CYP2J2: variants seen among roughly 807,000 people sequenced by gnomAD.
The protein encoded by CYP2J2 is cytochrome P450 family 2 subfamily J member 2.
CYP2J2 carries 41 observed loss-of-function variants against 48.8 expected under a neutral mutation model. The observed-to-expected ratio is 0.84, with a 90% CI of 0.66 to 1.09. The LOEUF is 1.09. Among genes scored for constraint, CYP2J2 ranks in the 50% least tolerant of loss-of-function variants. CYP2J2 has a pLI of 0.00. For missense variants in CYP2J2, 644 were observed against 617.3 expected, an observed-to-expected ratio of 1.04 and a Z score of -0.46; for synonymous variants, 221 against 227.1, an observed-to-expected ratio of 0.97 and a Z score of 0.24.
intron 1 of CYP2J2, among the ~76,000 whole-genome samples, chr1:59,925,422 T>C (rs1476259570): frequency 6.6e-6 from 1 of 152,228 alleles, no homozygotes; most frequent in African/African-American, 2.4e-5. Context: ...AGACTATATC[T>C]TGTGTCATTT....
intron 4 of CYP2J2, among the ~76,000 whole-genome samples, chr1:59,910,557 T>A (rs985049109): frequency 6.6e-6 from 1 of 152,178 alleles, no homozygotes; most frequent in Non-Finnish European, 1.5e-5. Context: ...AGGAAATTTT[T>A]AAAAATTTTG....
chr1:59,907,978 T>C (rs1405124860), intron 5 of CYP2J2, 51 bp from the exon 6 acceptor site: 1 of 1,583,096 alleles, frequency 6.3e-7, no homozygotes. Flanking sequence ...AGAGGATTCC[T>C]GATTGCCGTA....
rs371935381 is a variant in CYP2J2 at position 59,893,603 on chromosome 1, A to G, written c.*48T>C. On this transcript the variant is annotated 3_prime_UTR_variant, in exon 9 of 9. Coordinates refer to ENST00000371204, the MANE Select transcript of CYP2J2 (RefSeq NM_000775.4). ...GAGCAGACACCAGTGGTTTCAGAACACGTGCCATGTCTTCTTACTTTCCTT... is the reference window on the plus strand; with the variant it reads ...GAGCAGACACCAGTGGTTTCAGAACGCGTGCCATGTCTTCTTACTTTCCTT... 2.1e-6 allele frequency: 3 copies of G among 1,436,012 alleles called. No individual in the cohort carries two copies. Among genetic ancestry groups the G allele is most frequent in the South Asian group, 1.4e-5 (1 of 70,736 alleles). The allele number at this position is 1,436,012 out of a possible 1,614,324, so 89.0% of individuals were successfully genotyped here. A position where few individuals can be genotyped will look rare whatever the true frequency, so the allele number is the denominator to read the frequency against.
At chr1:59,934,635 G>A in the CYP2J2 span, among the ~76,000 whole-genome samples, 1 of 151,950 alleles carries the variant, frequency 6.6e-6, no homozygotes, top group Non-Finnish European at 1.5e-5. Flanking sequence ...TCAAGGAAAT[G>A]CAAATCACAC....
Position 59,911,772 on chromosome 1 carries a change from A to G in CYP2J2, c.524-4T>C, listed in dbSNP as rs369061266. On this transcript the variant is annotated splice_polypyrimidine_tract_variant and splice_region_variant and intron_variant, in intron 3 of 8. Transcript: ENST00000371204. ...AAATGAGGGTCAAAAGGCTGTCCTG[A>G]AGGTGGAGGAAGGGCAAGATGGATC... 2 of 1,610,630 alleles carry G rather than the reference A, an allele frequency of 1.2e-6. No homozygotes were observed. The highest frequency in any genetic ancestry group is 2.7e-5 in the African/African-American group (2 of 74,766).
intron 8 of CYP2J2, among the ~76,000 whole-genome samples, chr1:59,900,615 A>G (rs920161682): frequency 2.0e-5 from 3 of 152,190 alleles, no homozygotes; most frequent in African/African-American, 7.2e-5. Flanking sequence ...GCCTTGTGCA[A>G]TAAGAGTGAA....
intron 5 of CYP2J2, among the ~76,000 whole-genome samples, chr1:59,908,823 C>A (rs1644386368): frequency 6.6e-6 from 1 of 152,186 alleles, no homozygotes; most frequent in Non-Finnish European, 1.5e-5. Flanking sequence ...CATTTGGTTT[C>A]TTCCTCACCT....
At chr1:59,916,198 T>A in intron 1 of CYP2J2, 98 bp from the exon 2 acceptor site, 1 of 996,232 alleles carries the variant, frequency 1.0e-6, no homozygotes, top group Non-Finnish European at 1.5e-6. Flanking sequence ...TTGAGAGGAG[T>A]GCGTGTGTCT....
upstream of CYP2J2, among the ~76,000 whole-genome samples, chr1:59,929,694 A>G (rs1372457182): frequency 1.3e-5 from 2 of 152,204 alleles, no homozygotes; most frequent in Non-Finnish European, 2.9e-5. Context: ...GAACTGTAAG[A>G]TAGCTTGATA....
Position 59,926,617 on chromosome 1 carries a change from G to A in CYP2J2, c.130C>T (p.Pro44Ser). ...AAGGGCAGGCGCCAGGGCCCCGGCG[G>A]GTAGTTCTTTGGGCGCCGTCTTTTG... ...FLKRRRPKNYPPGPWRLPFLG... is the reference protein window; with the variant it reads ...FLKRRRPKNYSPGPWRLPFLG... Residue 44 changes from proline (P) to serine (S), a missense_variant, in exon 1 of 9, where the codon CCG (proline) becomes TCG (serine). By Grantham distance (74) the Pro-to-Ser change is moderately conservative. Coordinates refer to ENST00000371204, the MANE Select transcript of CYP2J2 (RefSeq NM_000775.4). The A allele has an allele frequency of 6.2e-7, 1 of 1,614,250 alleles. No homozygotes were observed.
At chr1:59,953,515 T>C in the CYP2J2 span, among the ~76,000 whole-genome samples, 15 of 117,748 alleles carry the variant, frequency 1.3e-4, no homozygotes, top group South Asian at 1.5e-3. Context: ...TATGTGTGTG[T>C]GTGTGTGTGT....
the CYP2J2 span, among the ~76,000 whole-genome samples, chr1:59,960,727 C>A: frequency 6.6e-6 from 1 of 152,140 alleles, no homozygotes; most frequent in African/African-American, 2.4e-5. Flanking sequence ...CCTGTAATCC[C>A]AGCTACTCAG....
the CYP2J2 span, among the ~76,000 whole-genome samples, chr1:59,961,610 T>C: frequency 6.6e-6 from 1 of 152,054 alleles, no homozygotes; most frequent in African/African-American, 2.4e-5. Context: ...AACCCAGAAA[T>C]TCCACAGCTA....
chr1:59,935,025 T>TATATATATATATATATATATATACAC, the CYP2J2 span, among the ~76,000 whole-genome samples: 1 of 85,840 alleles, frequency 1.2e-5, no homozygotes, highest in East Asian at 3.9e-4. Flanking sequence ...CATATATATA[T>TATATATATATATATATATATATACAC]ATATATATAT....
intron 8 of CYP2J2, among the ~76,000 whole-genome samples, chr1:59,895,716 T>C (rs971151986): frequency 6.6e-6 from 1 of 152,178 alleles, no homozygotes; most frequent in East Asian, 1.9e-4. Context: ...TAGTTACATA[T>C]GTATACATGT....
At chr1:59,950,190 T>C in the CYP2J2 span, among the ~76,000 whole-genome samples, 1 of 152,296 alleles carries the variant, frequency 6.6e-6, no homozygotes, top group Non-Finnish European at 1.5e-5. Context: ...GGGTTAGAGC[T>C]TACCAATGAG....
chr1:59,907,716 C>G (rs905881591), intron 6 of CYP2J2, 70 bp downstream of exon 6: 12 of 1,556,942 alleles, frequency 7.7e-6, no homozygotes, highest in Non-Finnish European at 1.1e-5. Flanking sequence ...CTTCTGGCCC[C>G]GACTTCAGGC....
intron 8 of CYP2J2, among the ~76,000 whole-genome samples, chr1:59,896,776 TGAAAAA>T (rs1644273607): frequency 6.6e-6 from 1 of 152,144 alleles, no homozygotes; most frequent in Non-Finnish European, 1.5e-5. Context: ...TTAAAAAGCA[TGAAAAA>T]GAAAGTTATA....
chr1:59,910,914 CG>C (rs1484438008), intron 4 of CYP2J2, among the ~76,000 whole-genome samples: 1 of 152,146 alleles, frequency 6.6e-6, no homozygotes, highest in Non-Finnish European at 1.5e-5. Context: ...GAACTCCAAA[CG>C]GCTACACTCT....
Sources: allele counts gnomAD v4.1 joint callset (sites outside exome capture counted in the v4.1 genomes callset), GRCh38; gene constraint gnomAD v4.1.1; transcripts MANE v1.5; gene names NCBI Gene and HGNC (gene_info 2026-07-23, HGNC 2026-07-21).